The following OCA2 variants were observed in gnomAD, a reference collection of about 807,000 sequenced individuals.
The protein encoded by OCA2 is P protein.
A neutral mutation model predicts 100.2 loss-of-function variants in OCA2; 77 were observed. The observed-to-expected ratio is 0.77, with a 90% CI of 0.64 to 0.93. OCA2 has a LOEUF of 0.93. Among genes scored for constraint, OCA2 ranks in the 40% least tolerant of loss-of-function variants. The pLI is 0.00. For synonymous variants in OCA2, 432 were observed against 439.2 expected (o/e 0.98, Z 0.21); for missense variants, 1,062 against 1,089.1 (o/e 0.98, Z 0.35).
intron 19 of OCA2, among the ~76,000 whole-genome samples, chr15:27,922,566 C>T (rs1157840605): frequency 2.6e-5 from 4 of 152,078 alleles, no homozygotes; most frequent in Non-Finnish European, 5.9e-5. Flanking sequence ...AGCTTTGATA[C>T]ATTTTAACTT....
chr15:28,053,588 G>T (rs2043585603), intron 2 of OCA2, among the ~76,000 whole-genome samples: 2 of 152,150 alleles, frequency 1.3e-5, no homozygotes, highest in South Asian at 4.1e-4. Context: ...CTCCCTCCAG[G>T]CTCCCAAAAC....
At chr15:27,912,824 T>C (rs566458962) in intron 19 of OCA2, among the ~76,000 whole-genome samples, 2 of 152,298 alleles carry the variant, frequency 1.3e-5, no homozygotes, top group African/African-American at 4.8e-5. Context: ...GGGCTCCACT[T>C]CACAATACAG....
chr15:27,800,866 G>A (rs2033570447), intron 23 of OCA2, among the ~76,000 whole-genome samples: 1 of 152,238 alleles, frequency 6.6e-6, no homozygotes, highest in East Asian at 1.9e-4. Context: ...TACTCAGGAG[G>A]CTGAAGTGGG....
chr15:27,732,074 G>T, the OCA2 span, among the ~76,000 whole-genome samples: 1 of 152,174 alleles, frequency 6.6e-6, no homozygotes, highest in African/African-American at 2.4e-5. Context: ...CAGGCTTGCT[G>T]GCAAGAGATG....
chr15:27,912,362 A>G (rs1400952774), intron 19 of OCA2, among the ~76,000 whole-genome samples: 1 of 152,210 alleles, frequency 6.6e-6, no homozygotes, highest in Non-Finnish European at 1.5e-5. Context: ...CCAGGGCAAG[A>G]GCAGGCAAAA....
the OCA2 span, among the ~76,000 whole-genome samples, chr15:27,748,957 C>T: frequency 6.8e-6 from 1 of 148,112 alleles, no homozygotes; most frequent in African/African-American, 2.6e-5. Flanking sequence ...AGAGAAAATA[C>T]TGAAAAAAAA....
intron 9 of OCA2, among the ~76,000 whole-genome samples, chr15:28,004,506 C>G (rs145168147): frequency 3.3e-5 from 5 of 152,276 alleles, no homozygotes; most frequent in Admixed American, 3.3e-4. Flanking sequence ...CACAGTCACA[C>G]GCCCTCACCT....
At chr15:27,872,714 G>C (rs985793837) in intron 19 of OCA2, among the ~76,000 whole-genome samples, 1 of 148,960 alleles carries the variant, frequency 6.7e-6, no homozygotes, top group Non-Finnish European at 1.5e-5. Context: ...TTTTGAGACA[G>C]AGTCTTGCTC....
At chr15:27,771,006 TC>T (rs745608974) in intron 23 of OCA2, among the ~76,000 whole-genome samples, 33 of 74,946 alleles carry the variant, frequency 4.4e-4, no homozygotes, top group Non-Finnish European at 8.1e-4. Context: ...CTTCCTTCCT[TC>T]CCTTCTTTTC....
At chr15:27,993,509 G>T (rs2041623608) in intron 9 of OCA2, among the ~76,000 whole-genome samples, 1 of 152,140 alleles carries the variant, frequency 6.6e-6, no homozygotes, top group African/African-American at 2.4e-5. Context: ...GGAGGTCCGT[G>T]GACATCATGA....
chr15:27,771,387 A>T (rs1328076423), intron 23 of OCA2, among the ~76,000 whole-genome samples: 1 of 32,880 alleles, frequency 3.0e-5, no homozygotes, highest in Non-Finnish European at 7.6e-5. Flanking sequence ...AGAGAAGCCT[A>T]AAAAAAAAAA....
intron 19 of OCA2, among the ~76,000 whole-genome samples, chr15:27,925,372 A>T (rs2039006655): frequency 2.6e-5 from 4 of 152,238 alleles, no homozygotes; most frequent in Non-Finnish European, 5.9e-5. Context: ...GCAATTGTGC[A>T]ATGTATGTCC....
At chr15:27,756,914 G>A (rs1010510729) in intron 23 of OCA2, among the ~76,000 whole-genome samples, 2 of 152,302 alleles carry the variant, frequency 1.3e-5, no homozygotes, top group Non-Finnish European at 2.9e-5. Flanking sequence ...CTGATGTCTT[G>A]AGGATGGCAC....
At chr15:28,031,842 G>C (rs2042914254) in intron 3 of OCA2, among the ~76,000 whole-genome samples, 1 of 152,210 alleles carries the variant, frequency 6.6e-6, no homozygotes, top group South Asian at 2.1e-4. Context: ...GAGTGTGCGT[G>C]TGTGCTGTGC....
intron 21 of OCA2, among the ~76,000 whole-genome samples, chr15:27,868,350 T>C (rs752034031): frequency 1.3e-5 from 2 of 152,196 alleles, no homozygotes; most frequent in Non-Finnish European, 2.9e-5. Context: ...GAAAATGTGG[T>C]ATATGAATAT....
intron 19 of OCA2, among the ~76,000 whole-genome samples, chr15:27,873,950 A>C (rs573502114): frequency 6.6e-6 from 1 of 152,334 alleles, no homozygotes; most frequent in Admixed American, 6.5e-5. Flanking sequence ...TGTCTCCTTC[A>C]TCAGCTTATA....
At chr15:27,790,376 G>C (rs1239935152) in intron 23 of OCA2, among the ~76,000 whole-genome samples, 1 of 152,202 alleles carries the variant, frequency 6.6e-6, no homozygotes, top group East Asian at 1.9e-4. Flanking sequence ...CCCATTGCTA[G>C]GTGAGAGAAA....
At chr15:27,968,712 A>G (rs1291816019) in intron 14 of OCA2, among the ~76,000 whole-genome samples, 1 of 152,164 alleles carries the variant, frequency 6.6e-6, no homozygotes, top group Non-Finnish European at 1.5e-5. Flanking sequence ...GGCACATCCA[A>G]TGGTTGTCCT....
the OCA2 span, among the ~76,000 whole-genome samples, chr15:27,726,142 C>G: frequency 6.6e-6 from 1 of 151,456 alleles, no homozygotes; most frequent in Non-Finnish European, 1.5e-5. Flanking sequence ...ACCAAAAATA[C>G]AAAAAAATAG....
Sources: allele counts gnomAD v4.1 joint callset (sites outside exome capture counted in the v4.1 genomes callset), GRCh38; gene constraint gnomAD v4.1.1; transcripts MANE v1.5; gene names NCBI Gene and HGNC (gene_info 2026-07-23, HGNC 2026-07-21).